Variants in NAALADL2 observed in about 807,000 individuals in gnomAD.
NAALADL2 encodes the protein inactive N-acetylated-alpha-linked acidic dipeptidase-like protein 2.
Under a neutral mutation model 87.2 loss-of-function variants are expected in NAALADL2, and 76 were observed. That is an observed-to-expected ratio of 0.87 (90% CI 0.72 to 1.05). The LOEUF is 1.05. Among genes scored for constraint, NAALADL2 ranks in the 50% least tolerant of loss-of-function variants. The probability of loss-of-function intolerance (pLI) is 0.00; values close to 1 mark genes in which losing one functional copy is unlikely to be tolerated. For synonymous variants in NAALADL2, 354 were observed against 331.0 expected (o/e 1.07, Z -0.75); for missense variants, 1,089 against 945.8 (o/e 1.15, Z -1.99).
intron 1 of NAALADL2, among the ~76,000 whole-genome samples, chr3:175,080,067 G>A (rs1309149836): frequency 1.3e-5 from 2 of 151,688 alleles, no homozygotes; most frequent in South Asian, 2.1e-4. Context: ...CCGGGTTCAC[G>A]CCATTCTCCT....
Position 175,755,264 on chromosome 3 carries a change from C to T in NAALADL2, c.2035C>T (p.Leu679=), listed in dbSNP as rs11929317. 91 of 1,613,474 alleles carry T rather than the reference C, an allele frequency of 5.6e-5. No homozygotes were observed. The African/African-American group carries it at 1.1e-3, about 20-fold the overall frequency. Residue 679 remains leucine (L), a synonymous_variant, in exon 13 of 14, where the codon CTG becomes TTG. Transcript: ENST00000454872. ...TCAACTGTTAGCCATGGCGTTACGCCTGCGGGAGAGTGCTGAACTTTTTCA... is the reference window on the plus strand; with the variant it reads ...TCAACTGTTAGCCATGGCGTTACGCTTGCGGGAGAGTGCTGAACTTTTTCA... The part of the protein sequence containing the change: ...THQLLAMALR[L]RESAELFQSD...
chr3:175,190,803 C>G (rs1392837515), intron 2 of NAALADL2, among the ~76,000 whole-genome samples: 1 of 151,660 alleles, frequency 6.6e-6, no homozygotes. Flanking sequence ...GGTGAAACCC[C>G]GTCTCTACTA....
intron 5 of NAALADL2, among the ~76,000 whole-genome samples, chr3:175,340,869 C>T (rs1370045682): frequency 6.6e-6 from 1 of 152,044 alleles, no homozygotes; most frequent in Non-Finnish European, 1.5e-5. Context: ...TCCAGAAGGA[C>T]AGAGATACAT....
chr3:175,049,291 G>A (rs1277702644), intron 1 of NAALADL2, among the ~76,000 whole-genome samples: 1 of 152,084 alleles, frequency 6.6e-6, no homozygotes, highest in African/African-American at 2.4e-5. Context: ...AATGGAAGTG[G>A]GACAGATCAA....
chr3:175,793,161 C>CTT (rs1753001614), intron 13 of NAALADL2, among the ~76,000 whole-genome samples: 1 of 152,110 alleles, frequency 6.6e-6, no homozygotes, highest in Admixed American at 6.5e-5. Context: ...GGGGAACTAC[C>CTT]TCTGGAACTT....
intron 11 of NAALADL2, among the ~76,000 whole-genome samples, chr3:175,627,992 A>G (rs983588792): frequency 6.6e-6 from 1 of 151,752 alleles, no homozygotes; most frequent in Admixed American, 6.6e-5. Flanking sequence ...TTAAAATGAA[A>G]AAGACCGCAT....
chr3:175,199,327 T>A (rs1005419519), intron 2 of NAALADL2, among the ~76,000 whole-genome samples: 6 of 152,126 alleles, frequency 3.9e-5, no homozygotes, highest in Admixed American at 6.6e-5. Flanking sequence ...ATTCACAGTA[T>A]CTTTTTTTCT....
chr3:175,056,739 G>A (rs936624491), intron 1 of NAALADL2, among the ~76,000 whole-genome samples: 2 of 152,208 alleles, frequency 1.3e-5, no homozygotes, highest in African/African-American at 2.4e-5. Context: ...GAAATAAAGA[G>A]ATGGGCCGAA....
intron 2 of NAALADL2, among the ~76,000 whole-genome samples, chr3:174,677,094 C>T (rs977438630): frequency 6.6e-6 from 1 of 151,882 alleles, no homozygotes; most frequent in Non-Finnish European, 1.5e-5. Flanking sequence ...TGTGTAAATG[C>T]TTACTAACCT....
At chr3:175,694,534 A>G (rs1737480693) in intron 11 of NAALADL2, among the ~76,000 whole-genome samples, 1 of 152,114 alleles carries the variant, frequency 6.6e-6, no homozygotes, top group African/African-American at 2.4e-5. Flanking sequence ...TTTCTTGGAA[A>G]AATTAATTTT....
intron 1 of NAALADL2, among the ~76,000 whole-genome samples, chr3:175,046,076 T>C (rs1457175957): frequency 6.6e-6 from 1 of 152,022 alleles, no homozygotes; most frequent in Admixed American, 6.6e-5. Context: ...TCCTTTCTGC[T>C]TGATACATTT....
At chr3:175,318,148 G>T (rs1033906212) in intron 4 of NAALADL2, among the ~76,000 whole-genome samples, 2 of 151,962 alleles carry the variant, frequency 1.3e-5, no homozygotes, top group African/African-American at 4.8e-5. Context: ...TTATATATAT[G>T]TAAATGTAAC....
At chr3:175,636,971 T>C (rs191808161) in intron 11 of NAALADL2, among the ~76,000 whole-genome samples, 29 of 152,332 alleles carry the variant, frequency 1.9e-4, no homozygotes, top group African/African-American at 5.8e-4. Context: ...ATTTAAATAT[T>C]TGATTTAATT....
At chr3:175,627,620 A>G (rs1447653356) in intron 11 of NAALADL2, among the ~76,000 whole-genome samples, 1 of 151,782 alleles carries the variant, frequency 6.6e-6, no homozygotes, top group Admixed American at 6.6e-5. Flanking sequence ...AATTTTTAAT[A>G]AAACAATGAG....
At chr3:175,277,800 C>G (rs1753791579) in intron 4 of NAALADL2, among the ~76,000 whole-genome samples, 1 of 152,102 alleles carries the variant, frequency 6.6e-6, no homozygotes, top group South Asian at 2.1e-4. Context: ...CCTCCTATCT[C>G]AGGACATTTA....
At chr3:175,472,906 G>A (rs756016881) in intron 9 of NAALADL2, among the ~76,000 whole-genome samples, 6 of 152,026 alleles carry the variant, frequency 3.9e-5, no homozygotes, top group East Asian at 3.9e-4. Flanking sequence ...AATGAGCCTC[G>A]GATGTCTCCC....
intron 11 of NAALADL2, among the ~76,000 whole-genome samples, chr3:175,697,923 A>G (rs1391278563): frequency 2.9e-5 from 1 of 34,040 alleles, no homozygotes; most frequent in East Asian, 9.9e-4. Flanking sequence ...GTATATATGT[A>G]TGTATACATA....
At chr3:174,588,533 G>A (rs1716983640) in intron 2 of NAALADL2, among the ~76,000 whole-genome samples, 1 of 152,112 alleles carries the variant, frequency 6.6e-6, no homozygotes, top group African/African-American at 2.4e-5. Context: ...CTTTGATGAT[G>A]GTGACATACA....
chr3:174,445,212 T>A (rs1714964868), intron 1 of NAALADL2, among the ~76,000 whole-genome samples: 1 of 152,108 alleles, frequency 6.6e-6, no homozygotes. Flanking sequence ...ATAAATGCCT[T>A]ATGAAGAGTA....
Sources: gnomAD v4.1 joint callset for allele counts (sites outside exome capture counted in the v4.1 genomes callset) on GRCh38, gnomAD v4.1.1 for gene constraint, MANE v1.5 for transcripts, NCBI Gene and HGNC (gene_info 2026-07-23, HGNC 2026-07-21) for gene names.